Variants in KIAA2012 observed in about 807,000 individuals in gnomAD.
The protein encoded by KIAA2012 is uncharacterized protein KIAA2012.
Under a neutral mutation model 150.6 loss-of-function variants are expected in KIAA2012, and 125 were observed. The observed-to-expected ratio is 0.83, with a 90% CI of 0.72 to 0.96. The LOEUF (loss-of-function observed/expected upper bound fraction) is 0.96. Ranked by LOEUF, KIAA2012 falls within the 40% of genes least tolerant of loss-of-function variation. The pLI is 0.00. For missense variants in KIAA2012, 1,219 were observed against 1,354.9 expected, an observed-to-expected ratio of 0.90 and a Z score of 1.57; for synonymous variants, 462 against 504.7, an observed-to-expected ratio of 0.92 and a Z score of 1.13.
chr2:202,157,814 G>A (rs1268633613), intron 14 of KIAA2012, among the ~76,000 whole-genome samples: 3 of 152,126 alleles, frequency 2.0e-5, no homozygotes, highest in Non-Finnish European at 2.9e-5. Context: ...CAAAAACACT[G>A]CCTATCATGT....
At chr2:202,105,945 C>A (rs1001231045) in intron 9 of KIAA2012, 35 bp downstream of exon 9, 2 of 1,550,788 alleles carry the variant, frequency 1.3e-6, no homozygotes, top group South Asian at 1.2e-5. Context: ...CCCTCGGGAA[C>A]CTCACTCTGA....
intron 16 of KIAA2012, among the ~76,000 whole-genome samples, chr2:202,185,474 A>G (rs919219276): frequency 6.6e-6 from 1 of 152,180 alleles, no homozygotes; most frequent in Non-Finnish European, 1.5e-5. Flanking sequence ...TCCTAGGTCA[A>G]AAAGGTTTTG....
Position 202,165,155 on chromosome 2 carries a change from CGAA to C in KIAA2012, c.2047-124_2047-122del, listed in dbSNP as rs750706235. The C allele has an allele frequency of 1.5e-5, 12 of 816,958 alleles. No homozygotes were observed. The East Asian group carries it at 2.0e-4, about 14-fold the overall frequency. The allele number at this position is 816,958 out of a possible 1,614,324, so 50.6% of individuals were successfully genotyped here. A position where few individuals can be genotyped will look rare whatever the true frequency, so the allele number is the denominator to read the frequency against. Reference sequence around the variant, plus strand: ...CCTGGAGACTTAAGTAAAAAGTTGACGAAGAAGGAGAAGAAACCACTAAGAAAA... The same window carrying C: ...CCTGGAGACTTAAGTAAAAAGTTGACGAAGGAGAAGAAACCACTAAGAAAA... On this transcript the variant is annotated intron_variant, in intron 14 of 23. Transcript: ENST00000498697.
intron 7 of KIAA2012, among the ~76,000 whole-genome samples, chr2:202,102,448 A>G (rs895587493): frequency 2.6e-5 from 4 of 152,236 alleles, no homozygotes; most frequent in African/African-American, 4.8e-5. Context: ...TAAGGTAAGT[A>G]GTATGATTAC....
chr2:202,081,682 G>A (rs1689455413), intron 2 of KIAA2012, among the ~76,000 whole-genome samples: 2 of 151,800 alleles, frequency 1.3e-5, no homozygotes, highest in African/African-American at 4.8e-5. Flanking sequence ...CTAGTAGCTG[G>A]GATTACAGGC....
At chr2:202,074,591 C>A (rs59087188) in intron 1 of KIAA2012, among the ~76,000 whole-genome samples, 33,419 of 152,142 alleles carry the variant, frequency 0.22, 3,964 homozygotes, top group Non-Finnish European at 0.25. Context: ...CACTTACTTG[C>A]ATACCAGGAA....
Position 202,074,809 on chromosome 2 carries a change from G to T in KIAA2012, c.85-82G>T, listed in dbSNP as rs73989718. The stretch of plus-strand genomic sequence containing the variant: ...AGAGAAAATCAGTAACTAAAAAAAT[G>T]CCGAAGGCTTTGCACAAGCAGTATT... On this transcript the variant is annotated intron_variant, in intron 1 of 23. Coordinates refer to ENST00000498697, the MANE Select transcript of KIAA2012 (RefSeq NM_001277372.4). 2.8e-4 allele frequency: 384 copies of T among 1,379,610 alleles called. 2 individuals are homozygous for T. In the African/African-American group the frequency reaches 5.3e-3, roughly 19 times the overall value. 85.5% of individuals were successfully genotyped at this position (1,379,610 alleles called of 1,614,324 possible). A position where few individuals can be genotyped will look rare whatever the true frequency, so the allele number is the denominator to read the frequency against.
In KIAA2012 at chr2:202,186,999, G is replaced by A; in HGVS notation, c.2277G>A (p.Glu759=). 5 of 1,550,642 alleles carry A rather than the reference G, an allele frequency of 3.2e-6. No homozygotes were observed. The highest frequency in any genetic ancestry group is 4.4e-6 in the Non-Finnish European group (5 of 1,147,014). ...GLLGYGPESP[E]RLSAVYTSLL... Reference sequence around the variant, plus strand: ...TGGGATACGGGCCTGAGTCACCCGAGAGGTTGAGTGCTGTGTATACATCTC... The same window carrying A: ...TGGGATACGGGCCTGAGTCACCCGAAAGGTTGAGTGCTGTGTATACATCTC... Residue 759 remains glutamate (E), a synonymous_variant, in exon 17 of 24, where the codon GAG becomes GAA. Transcript: ENST00000498697.
intron 22 of KIAA2012, chr2:202,201,529 C>G: frequency 6.2e-7 from 1 of 1,608,808 alleles, no homozygotes; most frequent in Admixed American, 1.7e-5. Context: ...CCAGCAGTAG[C>G]CCCAGCTCCA....
chr2:202,177,587 A>G (rs182544528), intron 15 of KIAA2012, among the ~76,000 whole-genome samples: 1 of 152,216 alleles, frequency 6.6e-6, no homozygotes, highest in African/African-American at 2.4e-5. Context: ...GGGTCTCTCT[A>G]TGTTGCCCAG....
rs1379765207 is a variant in KIAA2012, at chr2:202,127,006, G to A, written c.1831+1724G>A. 2.0e-5 allele frequency among the ~76,000 whole-genome samples: 3 copies of A among 151,998 alleles called. No individual in the cohort carries two copies. The East Asian group carries it at 5.8e-4, about 29-fold the overall frequency. On this transcript the variant is annotated intron_variant, in intron 12 of 23. Transcript: ENST00000498697. The stretch of plus-strand genomic sequence containing the variant: ...AACAAATGGCTTCTGTCCAACCTCC[G>A]TTTCCCCCTCCAATTCCCCCTACTC...
At chr2:202,088,152 G>A (rs895283735) in intron 2 of KIAA2012, among the ~76,000 whole-genome samples, 1 of 152,096 alleles carries the variant, frequency 6.6e-6, no homozygotes, top group African/African-American at 2.4e-5. Context: ...TAAGGGACTT[G>A]AGCATACACA....
intron 2 of KIAA2012, 133 bp from the exon 3 acceptor site, chr2:202,090,637 A>G (rs1270531845): frequency 2.6e-5 from 25 of 963,902 alleles, no homozygotes; most frequent in Non-Finnish European, 3.5e-5. Context: ...TAGCCGAGGC[A>G]TCTGTTTTTG....
rs771715884 is a variant in KIAA2012, at chr2:202,100,360, G to T, written c.1066G>T (p.Val356Leu). The T allele has an allele frequency of 1.9e-6, 3 of 1,550,550 alleles. No individual in the cohort carries two copies. Among genetic ancestry groups the T allele is most frequent in the South Asian group, 2.4e-5 (2 of 84,058 alleles). ...HKARSSHLLQ[V>L]LPAERSLFPP... ...GGCCAGAAGCAGCCACTTGTTACAG[G>T]TGCTTCCTGCTGAAAGAAGCCTCTT... Residue 356 changes from valine to leucine, a missense_variant, in exon 7 of 24, where the codon GTG (valine) becomes TTG (leucine). Transcript: ENST00000498697.
In KIAA2012 at chr2:202,073,648, G is replaced by A. The variant is rs1689256167; in HGVS notation, c.21G>A (p.Leu7=). MFTLSL[L]SRGHGKLGQD... is the part of the protein sequence containing the mutation. The stretch of plus-strand genomic sequence containing the variant: ...GAAACATGTTCACGCTCTCCCTCCT[G>A]AGCCGGGGCCACGGGAAGCTGGGCC... The change falls in exon 1 of 24, where the codon CTG becomes CTA. Residue 7 remains leucine (L), a synonymous_variant. Transcript: ENST00000498697. The A allele has an allele frequency of 1.3e-6, 2 of 1,550,406 alleles. No homozygotes were observed. The highest frequency in any genetic ancestry group is 2.0e-5 in the Admixed American group (1 of 50,982).
At chr2:202,080,422 G>T (rs975381697) in intron 2 of KIAA2012, among the ~76,000 whole-genome samples, 4 of 152,022 alleles carry the variant, frequency 2.6e-5, no homozygotes, top group Non-Finnish European at 5.9e-5. Flanking sequence ...GGCCGGGCAC[G>T]ATGGCACACG....
At chr2:202,148,479 C>A (rs16838886) in intron 13 of KIAA2012, among the ~76,000 whole-genome samples, 1 of 152,132 alleles carries the variant, frequency 6.6e-6, no homozygotes, top group African/African-American at 2.4e-5. Flanking sequence ...GTGGAGCCCT[C>A]GCAAAACGGC....
At chr2:202,148,170 A>G (rs1050864199) in intron 13 of KIAA2012, among the ~76,000 whole-genome samples, 1 of 152,230 alleles carries the variant, frequency 6.6e-6, no homozygotes, top group African/African-American at 2.4e-5. Context: ...ATTTCCTGGA[A>G]GAGAACAATG....
chr2:202,153,602 C>T (rs1691471014), intron 13 of KIAA2012, among the ~76,000 whole-genome samples: 2 of 152,206 alleles, frequency 1.3e-5, no homozygotes, highest in African/African-American at 4.8e-5. Context: ...GCCTCCACTT[C>T]CATCCCCAGC....
Sources: allele counts gnomAD v4.1 joint callset (sites outside exome capture counted in the v4.1 genomes callset), GRCh38; gene constraint gnomAD v4.1.1; transcripts MANE v1.5; gene names NCBI Gene and HGNC (gene_info 2026-07-23, HGNC 2026-07-21).